Variants in HS2ST1 observed in about 807,000 individuals in gnomAD.
HS2ST1 encodes heparan sulfate 2-O-sulfotransferase 1.
Under a neutral mutation model 42.9 loss-of-function variants are expected in HS2ST1, and 18 were observed. The ratio of observed to expected loss-of-function variants is 0.42; its 90% CI spans 0.29 to 0.62. The LOEUF is 0.62. Among genes scored for constraint, HS2ST1 ranks in the 20% least tolerant of loss-of-function variants. The pLI, the probability that HS2ST1 is intolerant of heterozygous loss-of-function variation, is 0.21. For synonymous variants in HS2ST1, 146 were observed against 152.9 expected, an observed-to-expected ratio of 0.95 and a Z score of 0.33; for missense variants, 334 against 433.8, an observed-to-expected ratio of 0.77 and a Z score of 2.04.
Position 86,915,814 on chromosome 1 carries a change from ATTC to A in HS2ST1, c.124+660_124+662del, listed in dbSNP as rs893446516. On this transcript the variant is annotated intron_variant, in intron 1 of 6. Transcript: ENST00000370550. ...CGGAAATGAGGGTCCGGAGATTTAA[ATTC>A]TTCTTTAGTGGCGCTAAACTGATGA... 3.7e-4 allele frequency among the ~76,000 whole-genome samples: 57 copies of A among 152,322 alleles called. 1 individual carries two copies. In the East Asian group the frequency reaches 5.6e-3, roughly 15 times the overall value.
chr1:87,091,547 T>C (rs1034341594), intron 3 of HS2ST1, among the ~76,000 whole-genome samples: 11 of 152,044 alleles, frequency 7.2e-5, no homozygotes, highest in Admixed American at 3.9e-4. Context: ...GTATGGAAGA[T>C]AGATTGAAAG....
chr1:87,023,668 A>G lies in HS2ST1; in HGVS notation c.125-49266A>G, dbSNP rs150297633. On this transcript the variant is annotated intron_variant, in intron 1 of 6. Coordinates refer to ENST00000370550, the MANE Select transcript of HS2ST1 (RefSeq NM_012262.4). ...GTCTTCAACAGGTAGCATAGTGCCT[A>G]GCTCATATTAGGTGCATGATAAGGA... 4.7e-3 allele frequency among the ~76,000 whole-genome samples: 711 copies of G among 152,322 alleles called. 4 individuals carry two copies. The highest frequency in any genetic ancestry group is 0.02 in the Middle Eastern group (6 of 294).
At chr1:87,010,068 A>G (rs1649556835) in intron 1 of HS2ST1, among the ~76,000 whole-genome samples, 1 of 150,680 alleles carries the variant, frequency 6.6e-6, no homozygotes, top group Non-Finnish European at 1.5e-5. Context: ...AAAAAAAAAC[A>G]AAAACAAACT....
At chr1:87,010,727 A>T (rs1649574618) in intron 1 of HS2ST1, among the ~76,000 whole-genome samples, 1 of 152,114 alleles carries the variant, frequency 6.6e-6, no homozygotes, top group African/African-American at 2.4e-5. Flanking sequence ...AAACACAATA[A>T]AAGCATATAA....
At chr1:87,036,845 G>A (rs1570502087) in intron 1 of HS2ST1, among the ~76,000 whole-genome samples, 1 of 152,240 alleles carries the variant, frequency 6.6e-6, no homozygotes, top group East Asian at 1.9e-4. Flanking sequence ...TTCAATACAT[G>A]TATTTTAAAA....
chr1:86,970,001 T>C (rs2102208149), intron 1 of HS2ST1, among the ~76,000 whole-genome samples: 1 of 152,094 alleles, frequency 6.6e-6, no homozygotes, highest in Non-Finnish European at 1.5e-5. Flanking sequence ...GGCACATGCC[T>C]GTAATCCCAG....
chr1:87,085,461 A>G (rs997763618), intron 3 of HS2ST1, among the ~76,000 whole-genome samples: 3 of 152,228 alleles, frequency 2.0e-5, no homozygotes, highest in Non-Finnish European at 4.4e-5. Flanking sequence ...TATTACATAC[A>G]TAAAGTGATA....
chr1:87,099,301 A>G (rs1198022796), intron 5 of HS2ST1, among the ~76,000 whole-genome samples: 1 of 152,192 alleles, frequency 6.6e-6, no homozygotes, highest in Non-Finnish European at 1.5e-5. Flanking sequence ...ATGTACAAGC[A>G]TGGCACCAAC....
At chr1:87,022,736 C>T (rs1426339875) in intron 1 of HS2ST1, among the ~76,000 whole-genome samples, 26 of 152,126 alleles carry the variant, frequency 1.7e-4, no homozygotes, top group Non-Finnish European at 1.5e-5. Context: ...CAGACATATT[C>T]ATATACCATT....
rs750975568 is a variant in HS2ST1, at chr1:87,097,788, G to C, written c.589-50G>C. 3 of 1,606,318 alleles carry C rather than the reference G, an allele frequency of 1.9e-6. No individual in the cohort carries two copies. In the Admixed American group the frequency reaches 5.0e-5, roughly 27 times the overall value. On this transcript the variant is annotated intron_variant, in intron 4 of 6. Transcript: ENST00000370550. ...AATTTACCACATTAGATATTTGATAGGTGAGACTTGGATTTATGGCTTACC... is the reference window on the plus strand; with the variant it reads ...AATTTACCACATTAGATATTTGATACGTGAGACTTGGATTTATGGCTTACC...
chr1:86,989,800 T>C (rs1648890914), intron 1 of HS2ST1, among the ~76,000 whole-genome samples: 1 of 152,180 alleles, frequency 6.6e-6, no homozygotes, highest in Non-Finnish European at 1.5e-5. Context: ...AGCTTCCACC[T>C]ATGAGTGAGA....
chr1:87,082,457 A>G (rs555384312), intron 2 of HS2ST1, among the ~76,000 whole-genome samples: 3 of 152,278 alleles, frequency 2.0e-5, no homozygotes, highest in South Asian at 4.1e-4. Flanking sequence ...TTTCCCTCCT[A>G]CATCACCATG....
intron 1 of HS2ST1, among the ~76,000 whole-genome samples, chr1:86,972,391 G>T (rs538550886): frequency 6.6e-6 from 1 of 151,366 alleles, no homozygotes; most frequent in Non-Finnish European, 1.5e-5. Context: ...TCATTCTATC[G>T]CCCAGGCTGG....
In HS2ST1 at chr1:87,109,021, AT is replaced by A. The variant is rs1189118842; in HGVS notation, c.*4327del. ...TGCCCTCCCCCACTCCATTCAGTTG[AT>A]TCATTTATGCAAATTCTGTTTCCAA... On this transcript the variant is annotated 3_prime_UTR_variant, in exon 7 of 7. Coordinates refer to ENST00000370550, the MANE Select transcript of HS2ST1 (RefSeq NM_012262.4). 1 of 152,154 alleles carries A rather than the reference AT, an allele frequency of 6.6e-6. No homozygotes were observed. The highest frequency in any genetic ancestry group is 1.5e-5 in the Non-Finnish European group (1 of 67,872). 9.4% of individuals were successfully genotyped at this position (152,154 alleles called of 1,614,324 possible).
chr1:87,034,647 G>A (rs948067172), intron 1 of HS2ST1, among the ~76,000 whole-genome samples: 2 of 152,122 alleles, frequency 1.3e-5, no homozygotes, highest in African/African-American at 2.4e-5. Context: ...AATTCTCTCA[G>A]TTGAGAAACT....
chr1:87,081,815 G>T (rs746718715), intron 2 of HS2ST1, among the ~76,000 whole-genome samples: 1 of 151,588 alleles, frequency 6.6e-6, no homozygotes, highest in Non-Finnish European at 1.5e-5. Flanking sequence ...GTGAAACCCC[G>T]TCTCTACTTA....
intron 1 of HS2ST1, among the ~76,000 whole-genome samples, chr1:87,019,313 C>G (rs572141593): frequency 2.8e-4 from 42 of 152,150 alleles, no homozygotes; most frequent in Admixed American, 2.6e-4. Context: ...TCCTTAATAT[C>G]CTTGGATATT....
At position 87,027,159 on chromosome 1, in the gene HS2ST1, G is replaced by A. The variant is rs192703932; in HGVS notation, c.125-45775G>A. Among the ~76,000 whole-genome samples, 5 of 152,282 alleles carry A rather than the reference G, an allele frequency of 3.3e-5. No individual in the cohort carries two copies. The East Asian group carries it at 5.8e-4, about 18-fold the overall frequency. On this transcript the variant is annotated intron_variant, in intron 1 of 6. Coordinates refer to ENST00000370550, the MANE Select transcript of HS2ST1 (RefSeq NM_012262.4). ...CTTTTTAAGCACTGTGCAGCTTCCT[G>A]TGTTATTCCCTTCTTTGTCCAACTG...
intron 1 of HS2ST1, among the ~76,000 whole-genome samples, chr1:87,067,076 G>A (rs1216329072): frequency 6.6e-6 from 1 of 152,060 alleles, no homozygotes; most frequent in Non-Finnish European, 1.5e-5. Flanking sequence ...TAATCCTTTG[G>A]GTATATACCC....
Sources: gnomAD v4.1 joint callset for allele counts (sites outside exome capture counted in the v4.1 genomes callset) on GRCh38, gnomAD v4.1.1 for gene constraint, MANE v1.5 for transcripts, NCBI Gene and HGNC (gene_info 2026-07-23, HGNC 2026-07-21) for gene names.